Variants in TEX14 observed in about 807,000 individuals in gnomAD.
TEX14 encodes testis expressed 14, intercellular bridge forming factor.
A neutral mutation model predicts 178.6 loss-of-function variants in TEX14; 168 were observed. The ratio of observed to expected loss-of-function variants is 0.94; its 90% confidence interval spans 0.83 to 1.07. The LOEUF (loss-of-function observed/expected upper bound fraction) is 1.07. TEX14 is among the 50% of genes least tolerant of loss of function. The pLI is 0.00. For synonymous variants in TEX14, 626 were observed against 634.1 expected (o/e 0.99, Z 0.19); for missense variants, 1,730 against 1,753.6 (o/e 0.99, Z 0.24).
chr17:58,593,721 G>T, intron 14 of TEX14, 60 bp from the exon 15 acceptor site: 2 of 1,354,874 alleles, frequency 1.5e-6, no homozygotes, highest in Non-Finnish European at 2.1e-6. Flanking sequence ...TCTCTTCACT[G>T]TCACACTATT....
chr17:58,659,289 C>G (rs961250999), intron 1 of TEX14: 2 of 959,086 alleles, frequency 2.1e-6, no homozygotes, highest in Non-Finnish European at 2.5e-6. Context: ...AGCGTCTCTC[C>G]CCCGCCACAA....
At chr17:58,631,502 G>T (rs550560864) in intron 2 of TEX14, 1 of 151,668 alleles carries the variant, frequency 6.6e-6, no homozygotes, top group African/African-American at 2.4e-5. Context: ...AAAGCACTCT[G>T]CACAATCCTA....
chr17:58,634,272 G>A (rs903637420), intron 2 of TEX14, among the ~76,000 whole-genome samples: 1 of 152,000 alleles, frequency 6.6e-6, no homozygotes, highest in African/African-American at 2.4e-5. Context: ...AATTAGCCGG[G>A]CTTGGTGGCA....
At chr17:58,561,336 A>G (rs892679910) in intron 29 of TEX14, among the ~76,000 whole-genome samples, 184 bp downstream of exon 29, 13 of 152,236 alleles carry the variant, frequency 8.5e-5, no homozygotes, top group Admixed American at 2.6e-4. Context: ...CTGCTAATCA[A>G]TATCTTGAGT....
intron 3 of TEX14, among the ~76,000 whole-genome samples, chr17:58,628,695 G>A (rs1350367391): frequency 8.0e-5 from 12 of 150,126 alleles, no homozygotes; most frequent in African/African-American, 2.7e-4. Flanking sequence ...CTGGGCAACA[G>A]AGTGAGACTC....
chr17:58,632,368 G>A (rs1306218322), intron 2 of TEX14, among the ~76,000 whole-genome samples: 1 of 152,168 alleles, frequency 6.6e-6, no homozygotes, highest in Non-Finnish European at 1.5e-5. Context: ...GCATTGCTGT[G>A]TTTATTTTTT....
At chr17:58,689,870 G>GATGGAGTCTCGCTCTGTCGCC (rs2047663117) in intron 1 of TEX14, among the ~76,000 whole-genome samples, 1 of 146,020 alleles carries the variant, frequency 6.8e-6, no homozygotes, top group African/African-American at 2.5e-5. Context: ...TTTTTTCTGA[G>GATGGAGTCTCGCTCTGTCGCC]ATGGAGTCTC....
intron 9 of TEX14, among the ~76,000 whole-genome samples, chr17:58,612,561 C>A (rs2045771105): frequency 1.3e-5 from 2 of 151,524 alleles, no homozygotes; most frequent in South Asian, 4.2e-4. Context: ...ATGGTGAAAC[C>A]CCGTCTCTAC....
rs2144353430 is a variant in TEX14 at position 58,569,047 on chromosome 17, T to C, written c.3886+145A>G. On this transcript the variant is annotated intron_variant, in intron 26 of 31. Coordinates refer to ENST00000349033, the MANE Select transcript of TEX14 (RefSeq NM_031272.5). This position sits in a 1 kb window ranked among gnomAD's most constrained non-coding sequence, Gnocchi z 4.1. ...TGCAAAACTGCCCCTTCCTAAATTT[T>C]GGAAAACTGCCCCTTCCTATATTCA... 1.8e-6 allele frequency: 1 copy of C among 564,538 alleles called. No homozygotes were observed. Among genetic ancestry groups the C allele is most frequent in the Middle Eastern group, 3.1e-4 (1 of 3,276 alleles). 35.0% of individuals were successfully genotyped at this position (564,538 alleles called of 1,614,324 possible).
At chr17:58,665,850 G>A (rs768326624) in intron 1 of TEX14, among the ~76,000 whole-genome samples, 2 of 151,798 alleles carry the variant, frequency 1.3e-5, no homozygotes, top group Non-Finnish European at 2.9e-5. Context: ...GTTCAAGACC[G>A]GCCTGACCAA....
chr17:58,620,104 T>C (rs937960714), intron 5 of TEX14, among the ~76,000 whole-genome samples: 1 of 152,116 alleles, frequency 6.6e-6, no homozygotes, highest in Non-Finnish European at 1.5e-5. Flanking sequence ...GAAGAACATA[T>C]ACAAATAAAA....
chr17:58,612,834 G>A (rs564327833), intron 9 of TEX14, among the ~76,000 whole-genome samples: 1 of 151,964 alleles, frequency 6.6e-6, no homozygotes, highest in Non-Finnish European at 1.5e-5. Context: ...GAGCCCAGGA[G>A]TTGGAGGTTA....
chr17:58,561,029 T>C (rs2044263569), intron 29 of TEX14, among the ~76,000 whole-genome samples: 1 of 152,168 alleles, frequency 6.6e-6, no homozygotes. Flanking sequence ...TCAGTAAAAT[T>C]ATAGTGAGCA....
intron 1 of TEX14, among the ~76,000 whole-genome samples, chr17:58,659,600 C>T (rs1457043194): frequency 6.6e-6 from 1 of 152,138 alleles, no homozygotes; most frequent in Non-Finnish European, 1.5e-5. Context: ...CTCTAGCTGC[C>T]GCTCCCAAGG....
At chr17:58,575,115 T>C (rs985440359) in intron 21 of TEX14, among the ~76,000 whole-genome samples, 2 of 109,088 alleles carry the variant, frequency 1.8e-5, no homozygotes, top group Non-Finnish European at 3.5e-5. Context: ...TGTTTTCACT[T>C]TTTTTTTTTT....
rs2044472828 is a variant in TEX14 at position 58,569,426 on chromosome 17, A to G, written c.3818-166T>C. The stretch of plus-strand genomic sequence containing the variant: ...ATAATAGTTCCAGTAGAGACCTCCT[A>G]ACATGTGAATGGCCTTTACTCCCCA... On this transcript the variant is annotated intron_variant, in intron 25 of 31. Coordinates refer to ENST00000349033, the MANE Select transcript of TEX14 (RefSeq NM_031272.5). This position sits in a 1 kb window ranked among gnomAD's most constrained non-coding sequence, Gnocchi z 4.1. Among the ~76,000 whole-genome samples, 1 of 152,148 alleles carries G rather than the reference A, an allele frequency of 6.6e-6. No individual in the cohort carries two copies. The highest frequency in any genetic ancestry group is 1.5e-5 in the Non-Finnish European group (1 of 68,008).
At chr17:58,688,308 C>G (rs563899111) in intron 1 of TEX14, among the ~76,000 whole-genome samples, 1 of 152,000 alleles carries the variant, frequency 6.6e-6, no homozygotes, top group East Asian at 1.9e-4. Context: ...TTAGTAGAGA[C>G]GGGGTTTTAC....
intron 22 of TEX14, 107 bp downstream of exon 22, chr17:58,574,080 A>T: frequency 1.1e-6 from 1 of 894,770 alleles, no homozygotes; most frequent in Non-Finnish European, 1.8e-6. Flanking sequence ...TACTCACATT[A>T]AGTCTACACG....
At chr17:58,616,076 T>C (rs1240385905) in intron 7 of TEX14, 99 bp downstream of exon 7, 9 of 1,339,184 alleles carry the variant, frequency 6.7e-6, no homozygotes, top group Non-Finnish European at 3.1e-6. Flanking sequence ...AGGTGTTCCC[T>C]GTGTTTGAGT....
Sources: allele counts gnomAD v4.1 joint callset (sites outside exome capture counted in the v4.1 genomes callset), GRCh38; gene constraint gnomAD v4.1.1; non-coding constraint Gnocchi (gnomAD v3.1); transcripts MANE v1.5; gene names NCBI Gene and HGNC (gene_info 2026-07-23, HGNC 2026-07-21).